The following REDIC1 variants were observed in gnomAD, a reference collection of about 807,000 sequenced individuals.
REDIC1 encodes the protein regulator of DNA class I crossover intermediates 1, also known as HEI10 Interacting Protein 1.
At chr12:39,641,123 T>C in the REDIC1 span, 1 of 657,096 alleles carries the variant, frequency 1.5e-6, no homozygotes, top group Admixed American at 2.9e-5. Flanking sequence ...ACATCCTTGT[T>C]GATAGCTTGA....
the REDIC1 span, among the ~76,000 whole-genome samples, chr12:39,896,236 GTA>G: frequency 3.0e-5 from 3 of 99,482 alleles, no homozygotes; most frequent in African/African-American, 1.1e-4. Context: ...ATGCATATGT[GTA>G]TATATGTATA....
chr12:39,682,758 A>G, the REDIC1 span: 1 of 1,613,436 alleles, frequency 6.2e-7, no homozygotes, highest in Non-Finnish European at 8.5e-7. Context: ...AGGAAGTTTC[A>G]AATTTTCTTG....
chr12:39,900,547 GACAA>G, the REDIC1 span, among the ~76,000 whole-genome samples: 4 of 151,982 alleles, frequency 2.6e-5, no homozygotes, highest in South Asian at 2.1e-4. Context: ...ACCAATAACA[GACAA>G]ACAGAGAGCC....
the REDIC1 span, chr12:39,760,342 G>T: frequency 8.5e-7 from 1 of 1,183,080 alleles, no homozygotes. Flanking sequence ...TTTTTTTTCT[G>T]GTCAGTCATG....
At chr12:39,705,324 G>C in the REDIC1 span, among the ~76,000 whole-genome samples, 1 of 151,930 alleles carries the variant, frequency 6.6e-6, no homozygotes, top group Admixed American at 6.6e-5. Flanking sequence ...GTAATAAAAA[G>C]TCTCCCAGGA....
At chr12:39,730,410 C>G in the REDIC1 span, among the ~76,000 whole-genome samples, 1 of 152,132 alleles carries the variant, frequency 6.6e-6, no homozygotes, top group Admixed American at 6.5e-5. Flanking sequence ...TTCTCCTTCT[C>G]TTGTGAAGCT....
chr12:39,702,350 A>C, the REDIC1 span, among the ~76,000 whole-genome samples: 3 of 152,262 alleles, frequency 2.0e-5, no homozygotes, highest in East Asian at 5.8e-4. Flanking sequence ...TGGATAAATT[A>C]CTCAACACAT....
At chr12:39,803,979 T>C in the REDIC1 span, among the ~76,000 whole-genome samples, 1 of 151,744 alleles carries the variant, frequency 6.6e-6, no homozygotes, top group Non-Finnish European at 1.5e-5. Flanking sequence ...GCTCAAAGCA[T>C]CCAAAGAAAA....
At chr12:39,702,938 A>G in the REDIC1 span, among the ~76,000 whole-genome samples, 9 of 152,174 alleles carry the variant, frequency 5.9e-5, no homozygotes, top group Non-Finnish European at 1.2e-4. Context: ...GTATTTCAAA[A>G]TAATAAGAGC....
chr12:39,780,110 G>C, the REDIC1 span, among the ~76,000 whole-genome samples: 1 of 152,124 alleles, frequency 6.6e-6, no homozygotes, highest in Non-Finnish European at 1.5e-5. Context: ...TTTGTATAGA[G>C]ACTTACCGTA....
the REDIC1 span, among the ~76,000 whole-genome samples, chr12:39,749,361 C>T: frequency 6.6e-6 from 1 of 152,174 alleles, no homozygotes; most frequent in East Asian, 1.9e-4. Flanking sequence ...CCTCCCAAGA[C>T]TAAACCAAGA....
At chr12:39,655,339 G>A in the REDIC1 span, among the ~76,000 whole-genome samples, 1 of 151,880 alleles carries the variant, frequency 6.6e-6, no homozygotes, top group Non-Finnish European at 1.5e-5. Context: ...TCTTTCTCTT[G>A]TAGTACTGCT....
chr12:39,887,451 C>A, the REDIC1 span, among the ~76,000 whole-genome samples: 2 of 152,064 alleles, frequency 1.3e-5, no homozygotes, highest in African/African-American at 4.8e-5. Context: ...ACACCCAGAG[C>A]AGGCTTACAG....
the REDIC1 span, among the ~76,000 whole-genome samples, chr12:39,747,943 G>A: frequency 6.6e-6 from 1 of 152,200 alleles, no homozygotes; most frequent in Non-Finnish European, 1.5e-5. Flanking sequence ...AACATGGAAA[G>A]GAACAACCGG....
chr12:39,812,758 C>T, the REDIC1 span, among the ~76,000 whole-genome samples: 1,483 of 151,106 alleles, frequency 9.8e-3, 14 homozygotes, highest in Non-Finnish European at 0.014. Flanking sequence ...GGGCGTGAGT[C>T]ATTGCACCTG....
At chr12:39,724,240 A>G in the REDIC1 span, among the ~76,000 whole-genome samples, 738 of 152,232 alleles carry the variant, frequency 4.8e-3, 3 homozygotes, top group Non-Finnish European at 7.9e-3. Context: ...TGCTTACTCA[A>G]AGTATCCACT....
the REDIC1 span, among the ~76,000 whole-genome samples, chr12:39,690,907 T>C: frequency 6.6e-6 from 1 of 152,088 alleles, no homozygotes; most frequent in Non-Finnish European, 1.5e-5. Context: ...CTGAAGTAGG[T>C]ATTGGAGTGC....
At chr12:39,640,857 T>G in the REDIC1 span, 1 of 797,346 alleles carries the variant, frequency 1.3e-6, no homozygotes, top group Non-Finnish European at 2.0e-6. Flanking sequence ...ACTACACTTT[T>G]AGATTTTAAC....
the REDIC1 span, among the ~76,000 whole-genome samples, chr12:39,667,833 TC>T: frequency 6.6e-6 from 1 of 152,216 alleles, no homozygotes; most frequent in African/African-American, 2.4e-5. Context: ...GCCTTCTTTG[TC>T]TCTTTTGATC....
Sources: gnomAD v4.1 joint callset for allele counts (sites outside exome capture counted in the v4.1 genomes callset) on GRCh38, gnomAD v4.1.1 for gene constraint, MANE v1.5 for transcripts, NCBI Gene and HGNC (gene_info 2026-07-23, HGNC 2026-07-21) for gene names.